The following CRACD variants were observed in gnomAD, a reference collection of about 807,000 sequenced individuals.
CRACD encodes the protein capping protein inhibiting regulator of actin dynamics, also known as capping protein-inhibiting regulator of actin dynamics.
A neutral mutation model predicts 106.8 loss-of-function variants in CRACD; 56 were observed. That is an observed-to-expected ratio of 0.52 (90% CI 0.42 to 0.66). CRACD has a LOEUF of 0.66. CRACD is among the 30% of genes least tolerant of loss of function. CRACD has a pLI of 0.00. For synonymous variants in CRACD, 754 were observed against 670.8 expected (o/e 1.12, Z -1.92); for missense variants, 1,730 against 1,623.2 (o/e 1.07, Z -1.13).
At chr4:56,150,442 C>T (rs1735541724) in intron 1 of CRACD, among the ~76,000 whole-genome samples, 1 of 152,100 alleles carries the variant, frequency 6.6e-6, no homozygotes, top group African/African-American at 2.4e-5. Flanking sequence ...TACTCTTTAA[C>T]AAACAGTGAT....
intron 2 of CRACD, among the ~76,000 whole-genome samples, chr4:56,245,332 C>T (rs1399123555): frequency 6.6e-6 from 1 of 152,190 alleles, no homozygotes; most frequent in Non-Finnish European, 1.5e-5. Context: ...GCAATTTTAT[C>T]ACTTCTTTAG....
intron 1 of CRACD, among the ~76,000 whole-genome samples, chr4:56,109,210 C>T (rs13121962): frequency 0.15 from 22,322 of 152,106 alleles, 1,690 homozygotes; most frequent in East Asian, 0.25. Flanking sequence ...CTATACCCGC[C>T]GGTTATTCCT....
chr4:56,278,659 A>G (rs1225767128), intron 3 of CRACD, among the ~76,000 whole-genome samples: 1 of 152,222 alleles, frequency 6.6e-6, no homozygotes, highest in African/African-American at 2.4e-5. Flanking sequence ...CTACATCAAA[A>G]TTAAATTTTG....
At chr4:56,319,255 G>A (rs140501145) in intron 8 of CRACD, among the ~76,000 whole-genome samples, 20 of 152,150 alleles carry the variant, frequency 1.3e-4, no homozygotes, top group African/African-American at 4.8e-4. Flanking sequence ...TTATTACATG[G>A]CCTTTGAATA....
intron 4 of CRACD, among the ~76,000 whole-genome samples, chr4:56,304,746 C>A (rs1744580393): frequency 6.6e-6 from 1 of 151,822 alleles, no homozygotes; most frequent in African/African-American, 2.4e-5. Flanking sequence ...GGCACTACTG[C>A]ACTTTAGCCT....
intron 1 of CRACD, among the ~76,000 whole-genome samples, chr4:56,163,505 T>TA (rs146003603): frequency 0.031 from 4,668 of 152,176 alleles, 230 homozygotes; most frequent in African/African-American, 0.11. Flanking sequence ...CCCCTTATGT[T>TA]AAAAAAAGTA....
intron 1 of CRACD, among the ~76,000 whole-genome samples, chr4:56,095,121 G>A (rs777306333): frequency 3.3e-5 from 5 of 152,276 alleles, no homozygotes; most frequent in Middle Eastern, 3.4e-3. Context: ...GGAGGCCAGG[G>A]TAAGAGGATC....
At chr4:56,123,395 C>T (rs7683511) in intron 1 of CRACD, among the ~76,000 whole-genome samples, 44,334 of 152,132 alleles carry the variant, frequency 0.29, 6,952 homozygotes, top group African/African-American at 0.41. Context: ...TGCCTTCTCT[C>T]TGTATCCTTA....
intron 1 of CRACD, among the ~76,000 whole-genome samples, chr4:56,176,434 T>TTTTG (rs1362443230): frequency 6.7e-6 from 1 of 149,618 alleles, no homozygotes; most frequent in African/African-American, 2.5e-5. Context: ...CCAATTTCTT[T>TTTTG]TTTTTTTTTT....
rs1745483762 is a variant in CRACD, at chr4:56,315,009, C to T, written c.1507C>T (p.Pro503Ser). Residue 503 changes from proline to serine, a missense_variant, in exon 8 of 11, where the codon CCT becomes TCT. By Grantham distance (74) the Pro-to-Ser change is moderately conservative. Around this residue, in one of 5 missense-constraint regions of CRACD, gnomAD observed 1,620 missense variants for 1,481.6 expected, o/e 1.09. Coordinates refer to ENST00000682029, the MANE Select transcript of CRACD (RefSeq NM_001393381.1). The surrounding 1 kb of genome is among the most constrained non-coding windows in gnomAD (Gnocchi z 4.1). ...AGAGGGGCCGGTGGAAGCCGCGCAGCCTCCGGTGGAGAGGAAAGAAGCCGC... is the reference window on the plus strand; with the variant it reads ...AGAGGGGCCGGTGGAAGCCGCGCAGTCTCCGGTGGAGAGGAAAGAAGCCGC... ...KQEGPVEAAQ[P>S]PVERKEAAAL... 2 of 1,588,600 alleles carry T rather than the reference C, an allele frequency of 1.3e-6. No individual in the cohort carries two copies. The highest frequency in any genetic ancestry group is 1.7e-6 in the Non-Finnish European group (2 of 1,168,846).
chr4:56,105,086 CTT>C (rs1208089903), intron 1 of CRACD, among the ~76,000 whole-genome samples: 1 of 152,118 alleles, frequency 6.6e-6, no homozygotes, highest in Non-Finnish European at 1.5e-5. Context: ...TCAAATGACT[CTT>C]TACAGTAATT....
chr4:56,206,952 A>C (rs1307008535), intron 2 of CRACD, among the ~76,000 whole-genome samples: 1 of 152,206 alleles, frequency 6.6e-6, no homozygotes, highest in East Asian at 1.9e-4. Flanking sequence ...CAAACATTTA[A>C]AACTTGTAAG....
At chr4:56,139,383 T>G (rs1197225538) in intron 1 of CRACD, among the ~76,000 whole-genome samples, 1 of 152,184 alleles carries the variant, frequency 6.6e-6, no homozygotes, top group Non-Finnish European at 1.5e-5. Context: ...TTTCTCAATC[T>G]TCTGTCTTTT....
intron 2 of CRACD, among the ~76,000 whole-genome samples, chr4:56,199,051 G>A (rs760346384): frequency 2.6e-5 from 4 of 152,084 alleles, no homozygotes; most frequent in Non-Finnish European, 5.9e-5. Flanking sequence ...TTTGGGGGCA[G>A]TCAACCCTGA....
chr4:56,094,421 C>CTTT (rs1050719130), intron 1 of CRACD, among the ~76,000 whole-genome samples: 194 of 117,054 alleles, frequency 1.7e-3, no homozygotes, highest in Non-Finnish European at 2.4e-3. Flanking sequence ...CATATAGATT[C>CTTT]TTTTTTTTTT....
intron 2 of CRACD, among the ~76,000 whole-genome samples, chr4:56,233,443 A>G (rs1600268): frequency 0.24 from 36,307 of 152,006 alleles, 4,482 homozygotes; most frequent in Non-Finnish European, 0.27. Context: ...TTTGTTGAAA[A>G]GTCTAACATT....
At chr4:56,051,697 C>T (rs1339440365) in intron 1 of CRACD, among the ~76,000 whole-genome samples, 10 of 152,110 alleles carry the variant, frequency 6.6e-5, no homozygotes, top group East Asian at 1.9e-4. Flanking sequence ...CAGAAAATCA[C>T]GCTGGAATTA....
intron 1 of CRACD, among the ~76,000 whole-genome samples, chr4:56,090,239 G>A (rs773970816): frequency 6.6e-6 from 1 of 151,826 alleles, no homozygotes; most frequent in African/African-American, 2.4e-5. Context: ...GATAATGAAC[G>A]TGAAGTACAG....
At chr4:56,118,719 A>G (rs943604065) in intron 1 of CRACD, among the ~76,000 whole-genome samples, 23 of 151,630 alleles carry the variant, frequency 1.5e-4, no homozygotes, top group Non-Finnish European at 1.5e-5. Context: ...CAACACAGTA[A>G]GACCCTTTGT....
Sources: gnomAD v4.1 joint callset for allele counts (sites outside exome capture counted in the v4.1 genomes callset) on GRCh38, gnomAD v4.1.1 for gene constraint, gnomAD v4.1.1 regional missense constraint, Gnocchi (gnomAD v3.1) non-coding constraint, MANE v1.5 for transcripts, NCBI Gene and HGNC (gene_info 2026-07-23, HGNC 2026-07-21) for gene names.